PSMD9: variants seen among roughly 807,000 people sequenced by gnomAD.
The protein encoded by PSMD9 is 26S proteasome non-ATPase regulatory subunit 9.
In PSMD9, 26 loss-of-function variants were observed where a neutral mutation model predicts 25.9. The ratio of observed to expected loss-of-function variants is 1.00; its 90% confidence interval spans 0.73 to 1.39. The LOEUF is 1.39. Ranked by LOEUF, PSMD9 falls within the 40% of genes most tolerant of loss-of-function variation. The probability of loss-of-function intolerance (pLI) is 0.00; values close to 1 mark genes in which losing one functional copy is unlikely to be tolerated. For synonymous variants in PSMD9, 110 were observed against 114.5 expected (o/e 0.96, Z 0.25); for missense variants, 303 against 299.3 (o/e 1.01, Z -0.09).
intron 4 of PSMD9, among the ~76,000 whole-genome samples, chr12:121,906,965 C>CAAA (rs111345955): frequency 6.8e-5 from 9 of 133,174 alleles, no homozygotes; most frequent in Admixed American, 1.5e-4. Flanking sequence ...GGCTCTGTGT[C>CAAA]AAAAAAAAAA....
intron 4 of PSMD9, among the ~76,000 whole-genome samples, chr12:121,913,131 A>T (rs1218620780): frequency 1.3e-5 from 2 of 151,686 alleles, no homozygotes; most frequent in Non-Finnish European, 2.9e-5. Context: ...TTTTTAGTAG[A>T]GATAGGGTTT....
intron 4 of PSMD9, chr12:121,914,149 A>G (rs962098877): frequency 6.6e-6 from 1 of 151,722 alleles, no homozygotes; most frequent in Admixed American, 6.6e-5. Flanking sequence ...TGCCTCCCAA[A>G]GTGCTGGGAT....
In PSMD9 at chr12:121,918,099, C is replaced by G. The variant is rs1450754499; in HGVS notation, c.*1788C>G. On this transcript the variant is annotated 3_prime_UTR_variant, in exon 6 of 6. Transcript: ENST00000541212. This position sits in a 1 kb window ranked among gnomAD's most constrained non-coding sequence, Gnocchi z 4.3. ...GAGAGCCACTTTGACGTGGAATGAT[C>G]CTAATAGATATAGCCAGACCGGTTT... 6.6e-6 allele frequency: 1 copy of G among 152,176 alleles called. No homozygotes were observed. The highest frequency in any genetic ancestry group is 1.5e-5 in the Non-Finnish European group (1 of 68,048). 9.4% of individuals were successfully genotyped at this position (152,176 alleles called of 1,614,324 possible).
At chr12:121,889,075 G>A in intron 1 of PSMD9, 81 bp downstream of exon 1, 1 of 1,503,670 alleles carries the variant, frequency 6.7e-7, no homozygotes, top group South Asian at 1.2e-5. Context: ...GGCGGCCTCA[G>A]TTTGGGCGCT....
chr12:121,896,965 A>T (rs1228568208), intron 2 of PSMD9, among the ~76,000 whole-genome samples: 1 of 149,928 alleles, frequency 6.7e-6, no homozygotes, highest in Non-Finnish European at 1.5e-5. Flanking sequence ...CTACACATAC[A>T]TGTAAATATA....
intron 5 of PSMD9, 108 bp downstream of exon 5, chr12:121,916,052 C>T: frequency 7.7e-7 from 1 of 1,295,208 alleles, no homozygotes; most frequent in Non-Finnish European, 1.1e-6. Flanking sequence ...ATGGGAATCC[C>T]CAGTTTGCAT....
intron 3 of PSMD9, among the ~76,000 whole-genome samples, chr12:121,900,453 G>A (rs1219799885): frequency 1.3e-5 from 2 of 151,872 alleles, no homozygotes; most frequent in Non-Finnish European, 2.9e-5. Context: ...CATGTTGGGA[G>A]GCCGAGGCCA....
chr12:121,913,977 G>A (rs1565896457), intron 4 of PSMD9, among the ~76,000 whole-genome samples: 1 of 151,888 alleles, frequency 6.6e-6, no homozygotes, highest in Non-Finnish European at 1.5e-5. Flanking sequence ...ACAGCTCACT[G>A]CAGCCTTGAC....
chr12:121,905,225 CTTT>C (rs1331388686), intron 4 of PSMD9, among the ~76,000 whole-genome samples: 1 of 137,746 alleles, frequency 7.3e-6, no homozygotes, highest in African/African-American at 2.7e-5. Context: ...TTTTTCTTTT[CTTT>C]TTTTTTTTTT....
chr12:121,901,666 C>CTTTTTTTTTTTTTTTTTTTTTTT (rs563939839), intron 3 of PSMD9, among the ~76,000 whole-genome samples: 1 of 93,610 alleles, frequency 1.1e-5, no homozygotes, highest in Non-Finnish European at 1.8e-5. Flanking sequence ...TTCATTCCTT[C>CTTTTTTTTTTTTTTTTTTTTTTT]TTTTTTTTTT....
chr12:121,915,919 C>G lies in PSMD9; in HGVS notation c.619C>G (p.Arg207Gly), dbSNP rs376869654. 1.2e-6 allele frequency: 2 copies of G among 1,613,758 alleles called. 1 individual carries two copies. Among genetic ancestry groups the G allele is most frequent in the Non-Finnish European group, 1.7e-6 (2 of 1,179,952 alleles). The change falls in exon 5 of 6, where the codon CGC (arginine) becomes GGC (glycine). Residue 207 changes from arginine to glycine, a missense_variant. Arg to Gly is a moderately radical substitution (Grantham distance 125, BLOSUM62 -2). Coordinates refer to ENST00000541212, the MANE Select transcript of PSMD9 (RefSeq NM_002813.7). ...EKHQLRLVPT[R>G]WAGKGLLGCN... ...ACACCAGCTTAGACTTGTTCCAACA[C>G]GCTGGGCAGGAAAAGGACTGCTGGG...
At chr12:121,909,545 T>G (rs995119142) in intron 4 of PSMD9, among the ~76,000 whole-genome samples, 2 of 151,896 alleles carry the variant, frequency 1.3e-5, no homozygotes, top group African/African-American at 2.4e-5. Flanking sequence ...GGTCTAGAAC[T>G]CCTGGGCTCA....
chr12:121,913,224 G>A (rs1296380941), intron 4 of PSMD9, among the ~76,000 whole-genome samples: 21 of 151,854 alleles, frequency 1.4e-4, no homozygotes, highest in East Asian at 9.7e-4. Context: ...GATTACAGGC[G>A]TGAGCCACCG....
Position 121,912,650 on chromosome 12 carries a change from G to C in PSMD9, c.556-3206G>C, listed in dbSNP as rs542788276. ...GGAGGCTGAGGCGGGCGGATCACTC[G>C]AGCTCAGGAGTTTGAGACCAGCCTG... is the stretch of plus-strand genomic sequence containing the variant. On this transcript the variant is annotated intron_variant, in intron 4 of 5. Transcript: ENST00000541212. Among the ~76,000 whole-genome samples, 9 of 152,054 alleles carry C rather than the reference G, an allele frequency of 5.9e-5. No homozygotes were observed. In the South Asian group the frequency reaches 1.9e-3, roughly 32 times the overall value.
chr12:121,910,617 G>A (rs549311935), intron 4 of PSMD9, among the ~76,000 whole-genome samples: 13 of 151,556 alleles, frequency 8.6e-5, no homozygotes, highest in African/African-American at 1.9e-4. Flanking sequence ...AAAATTAGCC[G>A]GGCGTCGTGG....
chr12:121,894,423 G>A, intron 1 of PSMD9: 1 of 264,680 alleles, frequency 3.8e-6, no homozygotes. Flanking sequence ...GAAGGAGGGT[G>A]TGAAGGAGTG....
In PSMD9 at chr12:121,889,050, G is replaced by A; in HGVS notation, c.138+56G>A. ...CCTAACCCGGCCCGGAGTCCCTGGG[G>A]TACTGGGATGCCAGGGCGGCCTCAG... On this transcript the variant is annotated intron_variant, in intron 1 of 5. Transcript: ENST00000541212. 8.5e-6 allele frequency: 13 copies of A among 1,533,328 alleles called. No homozygotes were observed. The South Asian group carries it at 1.6e-4, about 18-fold the overall frequency. The allele number at this position is 1,533,328 out of a possible 1,614,324, so 95.0% of individuals were successfully genotyped here.
At chr12:121,893,731 A>G (rs751010005) in intron 1 of PSMD9, 2 of 152,182 alleles carry the variant, frequency 1.3e-5, no homozygotes, top group Non-Finnish European at 2.9e-5. Flanking sequence ...TTTTATGAGG[A>G]CACCAGCCAC....
At chr12:121,910,577 G>A (rs879448162) in intron 4 of PSMD9, among the ~76,000 whole-genome samples, 1 of 151,490 alleles carries the variant, frequency 6.6e-6, no homozygotes, top group Admixed American at 6.6e-5. Context: ...GCCTGCCAGC[G>A]TGGTGAAACC....
Sources: gnomAD v4.1 joint callset for allele counts (sites outside exome capture counted in the v4.1 genomes callset) on GRCh38, gnomAD v4.1.1 for gene constraint, Gnocchi (gnomAD v3.1) non-coding constraint, MANE v1.5 for transcripts, NCBI Gene and HGNC (gene_info 2026-07-23, HGNC 2026-07-21) for gene names.